Variants in CELF2 observed in about 807,000 individuals in gnomAD.
CELF2 encodes the protein CUG triplet repeat RNA-binding protein 2.
A neutral mutation model predicts 62.6 loss-of-function variants in CELF2; 8 were observed. The ratio of observed to expected loss-of-function variants is 0.13; its 90% CI spans 0.07 to 0.23. The LOEUF (loss-of-function observed/expected upper bound fraction) is 0.23. Ranked by LOEUF, CELF2 falls within the 10% of genes least tolerant of loss-of-function variation. The probability of loss-of-function intolerance (pLI) is 1.00; values close to 1 mark genes in which losing one functional copy is unlikely to be tolerated. For synonymous variants in CELF2, 258 were observed against 250.0 expected, an observed-to-expected ratio of 1.03 and a Z score of -0.30; for missense variants, 333 against 671.0, an observed-to-expected ratio of 0.50 and a Z score of 5.56.
intron 1 of CELF2, among the ~76,000 whole-genome samples, chr10:11,074,104 G>A (rs2071079453): frequency 6.6e-6 from 1 of 152,176 alleles, no homozygotes; most frequent in Non-Finnish European, 1.5e-5. Flanking sequence ...ATACGAGTAT[G>A]TGTGTGTTAC....
the CELF2 span, among the ~76,000 whole-genome samples, chr10:10,465,780 T>G: frequency 1.3e-5 from 2 of 152,136 alleles, no homozygotes; most frequent in African/African-American, 4.8e-5. Context: ...AAGAGATGGT[T>G]ATGGCGGGCT....
intron 1 of CELF2, among the ~76,000 whole-genome samples, chr10:11,087,109 G>C (rs1025020403): frequency 4.6e-5 from 7 of 152,182 alleles, no homozygotes; most frequent in Non-Finnish European, 7.3e-5. Flanking sequence ...ATAAAGCACT[G>C]TGACATCAGT....
chr10:10,982,547 G>A (rs2052267018), intron 2 of CELF2, among the ~76,000 whole-genome samples: 1 of 152,172 alleles, frequency 6.6e-6, no homozygotes, highest in Admixed American at 6.5e-5. Flanking sequence ...CCCAAAGGAA[G>A]GACATGAGGA....
chr10:11,006,554 T>G (rs1479106056), intron 1 of CELF2, among the ~76,000 whole-genome samples: 2 of 152,224 alleles, frequency 1.3e-5, no homozygotes, highest in African/African-American at 2.4e-5. Flanking sequence ...TGGGGATTTT[T>G]AATTTGCTCA....
chr10:11,283,618 G>A (rs1367167102), intron 8 of CELF2, among the ~76,000 whole-genome samples: 2 of 151,632 alleles, frequency 1.3e-5, no homozygotes, highest in Non-Finnish European at 2.9e-5. Flanking sequence ...GCTGAATGAT[G>A]GATGGGTGGG....
the CELF2 span, among the ~76,000 whole-genome samples, chr10:10,620,157 C>T: frequency 7.2e-5 from 11 of 152,152 alleles, no homozygotes; most frequent in Non-Finnish European, 1.3e-4. Flanking sequence ...GAATTTGGCC[C>T]ACTACCTGTT....
chr10:10,620,447 T>A, the CELF2 span, among the ~76,000 whole-genome samples: 1 of 85,920 alleles, frequency 1.2e-5, no homozygotes, highest in Non-Finnish European at 2.3e-5. Flanking sequence ...CAAGGCTCAG[T>A]CTCAAAAAAA....
chr10:11,120,090 G>T (rs12416159), intron 1 of CELF2, among the ~76,000 whole-genome samples: 6,135 of 152,176 alleles, frequency 0.04, 196 homozygotes, highest in Non-Finnish European at 0.062. Context: ...TGAAAGGAGA[G>T]GTTCATTTGA....
At chr10:11,082,043 A>G (rs2480799) in intron 1 of CELF2, among the ~76,000 whole-genome samples, 49,520 of 151,942 alleles carry the variant, frequency 0.33, 8,771 homozygotes, top group African/African-American at 0.43. Context: ...ACAGAGTGGC[A>G]TGTGTTCCTA....
upstream of CELF2, among the ~76,000 whole-genome samples, chr10:11,000,492 C>G (rs1212550703): frequency 6.6e-6 from 1 of 152,192 alleles, no homozygotes; most frequent in Non-Finnish European, 1.5e-5. Flanking sequence ...GCTCATTAAT[C>G]ATTCCTGCGC....
chr10:11,269,475 G>A lies in CELF2; in HGVS notation c.619-1191G>A, dbSNP rs1284816052. Among the ~76,000 whole-genome samples, 2 of 152,178 alleles carry A rather than the reference G, an allele frequency of 1.3e-5. No homozygotes were observed. Among genetic ancestry groups the A allele is most frequent in the East Asian group, 3.8e-4 (2 of 5,198 alleles). On this transcript the variant is annotated intron_variant, in intron 6 of 12. Coordinates refer to ENST00000633077, the MANE Select transcript of CELF2 (RefSeq NM_001326342.2). This position sits in a 1 kb window ranked among gnomAD's most constrained non-coding sequence, Gnocchi z 4.4. Reference sequence around the variant, plus strand: ...CATGACCCAAAGGGAATGGAACAGAGAATCACATTTAAATAGGAATATAAC... The same window carrying A: ...CATGACCCAAAGGGAATGGAACAGAAAATCACATTTAAATAGGAATATAAC...
At chr10:10,733,242 G>A in the CELF2 span, among the ~76,000 whole-genome samples, 4 of 152,160 alleles carry the variant, frequency 2.6e-5, no homozygotes, top group Non-Finnish European at 5.9e-5. Flanking sequence ...GTTTCTCTAA[G>A]AGATGTGCTA....
the CELF2 span, among the ~76,000 whole-genome samples, chr10:10,581,812 G>C: frequency 0.14 from 21,231 of 152,126 alleles, 1,722 homozygotes; most frequent in East Asian, 0.25. Context: ...GGCTGATCAC[G>C]AGGTCAGGTG....
At chr10:10,650,236 C>T in the CELF2 span, among the ~76,000 whole-genome samples, 2 of 152,084 alleles carry the variant, frequency 1.3e-5, no homozygotes, top group Non-Finnish European at 2.9e-5. Context: ...AAAAGGCCCC[C>T]ATTGAAATTA....
the CELF2 span, among the ~76,000 whole-genome samples, chr10:10,709,515 T>C: frequency 1.3e-5 from 2 of 152,176 alleles, no homozygotes; most frequent in Admixed American, 1.3e-4. Flanking sequence ...TTCTTTTCTA[T>C]GAAAGATTAG....
At chr10:10,846,683 T>C (rs1275752701) in intron 1 of CELF2, among the ~76,000 whole-genome samples, 1 of 152,212 alleles carries the variant, frequency 6.6e-6, no homozygotes, top group Non-Finnish European at 1.5e-5. Context: ...GGATGCTTTC[T>C]ACCTAGAGCT....
the CELF2 span, among the ~76,000 whole-genome samples, chr10:10,645,633 G>A: frequency 6.6e-6 from 1 of 152,254 alleles, no homozygotes; most frequent in East Asian, 1.9e-4. Context: ...CAGCCTAGGT[G>A]CCAGAGCAAG....
At chr10:10,468,461 T>C in the CELF2 span, among the ~76,000 whole-genome samples, 20 of 152,036 alleles carry the variant, frequency 1.3e-4, no homozygotes, top group African/African-American at 4.6e-4. Flanking sequence ...CTTCAGAATC[T>C]TCATCCTACT....
Position 11,085,772 on chromosome 10 carries a change from T to G in CELF2, c.74+67609T>G, listed in dbSNP as rs75642712. On this transcript the variant is annotated intron_variant, in intron 1 of 12. Transcript: ENST00000633077. ...CTTGTGTCAGAAGCAGTTTTTATAA[T>G]GTCATATTAACCACACAGTTAATAA... 2.3e-4 allele frequency among the ~76,000 whole-genome samples: 35 copies of G among 152,360 alleles called. No homozygotes were observed. The East Asian group carries it at 6.6e-3, about 29-fold the overall frequency.
Sources: gnomAD v4.1 joint callset for allele counts (sites outside exome capture counted in the v4.1 genomes callset) on GRCh38, gnomAD v4.1.1 for gene constraint, Gnocchi (gnomAD v3.1) non-coding constraint, MANE v1.5 for transcripts, NCBI Gene and HGNC (gene_info 2026-07-23, HGNC 2026-07-21) for gene names.